RHOJ: variants seen among roughly 807,000 people sequenced by gnomAD.
The protein encoded by RHOJ is rho-related GTP-binding protein RhoJ.
In RHOJ, 11 loss-of-function variants were observed where a neutral mutation model predicts 23.4. That is an observed-to-expected ratio of 0.47 (90% CI 0.30 to 0.78). The LOEUF is 0.78. Ranked by LOEUF, RHOJ falls within the 30% of genes least tolerant of loss-of-function variation. RHOJ has a pLI of 0.08. For synonymous variants in RHOJ, 102 were observed against 102.7 expected, an observed-to-expected ratio of 0.99 and a Z score of 0.04; for missense variants, 254 against 273.4, an observed-to-expected ratio of 0.93 and a Z score of 0.50.
intron 1 of RHOJ, among the ~76,000 whole-genome samples, chr14:63,261,162 T>C (rs1006452416): frequency 2.6e-5 from 4 of 152,192 alleles, no homozygotes; most frequent in Non-Finnish European, 5.9e-5. Context: ...ATTTAAATTG[T>C]TTTCACTCCA....
intron 1 of RHOJ, among the ~76,000 whole-genome samples, chr14:63,219,556 A>G (rs925198434): frequency 2.9e-4 from 44 of 152,256 alleles, no homozygotes; most frequent in African/African-American, 8.7e-4. Context: ...GGTGGCTCAC[A>G]CCTATAATCC....
intron 2 of RHOJ, 62 bp from the exon 3 acceptor site, chr14:63,280,909 T>C (rs1881876143): frequency 6.7e-7 from 1 of 1,492,640 alleles, no homozygotes; most frequent in African/African-American, 1.4e-5. Context: ...AAATCTGACC[T>C]TGGAACTACA....
intron 4 of RHOJ, among the ~76,000 whole-genome samples, chr14:63,290,069 C>T (rs1447878852): frequency 6.6e-6 from 1 of 151,874 alleles, no homozygotes; most frequent in East Asian, 1.9e-4. Context: ...ATGGGAAAAC[C>T]CCGTCTCTAC....
chr14:63,206,399 G>C (rs1023362756), intron 1 of RHOJ, among the ~76,000 whole-genome samples: 11 of 152,140 alleles, frequency 7.2e-5, no homozygotes, highest in African/African-American at 2.7e-4. Flanking sequence ...CTTTCATCTT[G>C]AGAAAAAAAC....
In RHOJ at chr14:63,287,973, C is replaced by A. The variant is rs572335151; in HGVS notation, c.499-2905C>A. ...CAGATCATTTTTTTTAGCAATCTGG[C>A]TGTGCTTTTTCCTTGAACCGGGATG... On this transcript the variant is annotated intron_variant, in intron 4 of 4. Transcript: ENST00000316754. 2.6e-5 allele frequency among the ~76,000 whole-genome samples: 4 copies of A among 152,272 alleles called. No individual in the cohort carries two copies. In the East Asian group the frequency reaches 5.8e-4, roughly 22 times the overall value.
chr14:63,252,481 A>G (rs950489315), intron 1 of RHOJ, among the ~76,000 whole-genome samples: 2 of 152,216 alleles, frequency 1.3e-5, no homozygotes, highest in Non-Finnish European at 2.9e-5. Flanking sequence ...GTTCAGCCCA[A>G]AGACATGATA....
At chr14:63,233,887 G>A (rs57673534) in intron 1 of RHOJ, among the ~76,000 whole-genome samples, 30,825 of 152,112 alleles carry the variant, frequency 0.2, 3,538 homozygotes, top group East Asian at 0.39. Flanking sequence ...GCTCCCAACC[G>A]TTCCCAGAAT....
intron 1 of RHOJ, among the ~76,000 whole-genome samples, chr14:63,236,204 AC>A (rs2139626992): frequency 6.6e-6 from 1 of 152,280 alleles, no homozygotes; most frequent in Non-Finnish European, 1.5e-5. Flanking sequence ...CTGACATAGT[AC>A]CTTTTCTTGG....
At chr14:63,263,338 G>T (rs955840760) in intron 1 of RHOJ, among the ~76,000 whole-genome samples, 1 of 152,132 alleles carries the variant, frequency 6.6e-6, no homozygotes, top group African/African-American at 2.4e-5. Context: ...AAATTAAGAA[G>T]CCTCATAGGA....
At chr14:63,215,393 A>G (rs890419343) in intron 1 of RHOJ, among the ~76,000 whole-genome samples, 3 of 152,184 alleles carry the variant, frequency 2.0e-5, no homozygotes, top group African/African-American at 7.2e-5. Flanking sequence ...CTGAATCCAG[A>G]TTGCCAACAA....
At chr14:63,225,975 TG>T (rs1357649514) in intron 1 of RHOJ, among the ~76,000 whole-genome samples, 1 of 152,106 alleles carries the variant, frequency 6.6e-6, no homozygotes, top group African/African-American at 2.4e-5. Flanking sequence ...TTGTAACAAT[TG>T]AAAGTATCAG....
At chr14:63,224,189 CAT>C (rs1325167098) in intron 1 of RHOJ, among the ~76,000 whole-genome samples, 1 of 152,124 alleles carries the variant, frequency 6.6e-6, no homozygotes, top group African/African-American at 2.4e-5. Flanking sequence ...TGTAGAATGA[CAT>C]AAGGTGTAAT....
chr14:63,284,821 C>T (rs924658745), intron 4 of RHOJ, among the ~76,000 whole-genome samples: 1 of 152,172 alleles, frequency 6.6e-6, no homozygotes, highest in Non-Finnish European at 1.5e-5. Context: ...CCTCACTTCT[C>T]ATTGGGGAAG....
At chr14:63,252,589 T>C (rs1462439964) in intron 1 of RHOJ, among the ~76,000 whole-genome samples, 1 of 152,180 alleles carries the variant, frequency 6.6e-6, no homozygotes, top group Non-Finnish European at 1.5e-5. Flanking sequence ...AGTCCTCTAG[T>C]GTGCAGCTGT....
At chr14:63,276,977 A>T (rs985736048) in intron 2 of RHOJ, among the ~76,000 whole-genome samples, 1 of 152,232 alleles carries the variant, frequency 6.6e-6, no homozygotes, top group South Asian at 2.1e-4. Flanking sequence ...GATGCAGGCC[A>T]TCAAATAGAT....
intron 1 of RHOJ, among the ~76,000 whole-genome samples, chr14:63,238,073 C>T (rs999959643): frequency 6.6e-6 from 1 of 152,172 alleles, no homozygotes; most frequent in Non-Finnish European, 1.5e-5. Flanking sequence ...CAGTAGATCA[C>T]GGCTTAACAT....
chr14:63,269,238 C>A (rs892611283), intron 2 of RHOJ, 70 bp downstream of exon 2: 22 of 1,090,882 alleles, frequency 2.0e-5, no homozygotes, highest in Non-Finnish European at 3.1e-5. Flanking sequence ...TTTGCTTATG[C>A]AGATGGGACT....
intron 1 of RHOJ, among the ~76,000 whole-genome samples, chr14:63,240,853 ATAGGATTCCAC>A (rs1894870438): frequency 6.6e-6 from 1 of 152,230 alleles, no homozygotes; most frequent in Non-Finnish European, 1.5e-5. Context: ...GACATTTATA[ATAGGATTCCAC>A]TGTATTGCTT....
At chr14:63,210,904 C>T (rs10132679) in intron 1 of RHOJ, among the ~76,000 whole-genome samples, 79,848 of 152,026 alleles carry the variant, frequency 0.53, 22,217 homozygotes, top group South Asian at 0.77. Context: ...CTTCTATCAC[C>T]CACCCTCCTA....
Sources: allele counts gnomAD v4.1 joint callset (sites outside exome capture counted in the v4.1 genomes callset), GRCh38; gene constraint gnomAD v4.1.1; transcripts MANE v1.5; gene names NCBI Gene and HGNC (gene_info 2026-07-23, HGNC 2026-07-21).